The following IL1RAPL1 variants were observed in gnomAD, a reference collection of about 807,000 sequenced individuals.
The protein encoded by IL1RAPL1 is interleukin 1 receptor accessory protein like 1.
IL1RAPL1 carries 3 observed loss-of-function variants against 48.4 expected under a neutral mutation model. The observed-to-expected ratio is 0.06, with a 90% confidence interval of 0.03 to 0.16. IL1RAPL1 has a LOEUF of 0.16. Among genes scored for constraint, IL1RAPL1 ranks in the 10% least tolerant of loss-of-function variants. The pLI, the probability that IL1RAPL1 is intolerant of heterozygous loss-of-function variation, is 1.00. For synonymous variants in IL1RAPL1, 185 were observed against 187.7 expected (o/e 0.99, Z 0.12); for missense variants, 349 against 530.6 (o/e 0.66, Z 3.36).
chrX:29,796,694 TAAAAG>T (rs1929748344), intron 6 of IL1RAPL1, among the ~76,000 whole-genome samples: 1 of 112,361 alleles, frequency 8.9e-6, no homozygotes, highest in Non-Finnish European at 1.9e-5. Flanking sequence ...GAATGATAAT[TAAAAG>T]AAAATGAAAG....
At chrX:29,567,866 G>T (rs965322480) in intron 5 of IL1RAPL1, among the ~76,000 whole-genome samples, 4 of 111,081 alleles carry the variant, frequency 3.6e-5, no homozygotes, top group Non-Finnish European at 5.7e-5. Flanking sequence ...CTTTGAAAAT[G>T]GGAGACTTGT....
intron 1 of IL1RAPL1, among the ~76,000 whole-genome samples, chrX:28,723,403 G>A (rs147783525): frequency 0.014 from 1,602 of 111,365 alleles, 28 homozygotes; most frequent in African/African-American, 0.049. Flanking sequence ...AGTATTCTCT[G>A]GTGGTAGTTT....
intron 6 of IL1RAPL1, among the ~76,000 whole-genome samples, chrX:29,782,153 C>T (rs767641360): frequency 1.0e-5 from 1 of 98,266 alleles, no homozygotes; most frequent in Non-Finnish European, 2.1e-5. Context: ...TATGTACCTA[C>T]CTACCTACCT....
At chrX:29,208,718 A>G (rs186285036) in intron 2 of IL1RAPL1, among the ~76,000 whole-genome samples, 3 of 86,967 alleles carry the variant, frequency 3.4e-5, no homozygotes, top group African/African-American at 1.9e-4. Context: ...AAATAATAAT[A>G]ATAATAATAA....
intron 6 of IL1RAPL1, among the ~76,000 whole-genome samples, chrX:29,731,773 A>G (rs1927925266): frequency 8.9e-6 from 1 of 112,140 alleles, no homozygotes; most frequent in Admixed American, 9.4e-5. Context: ...CTTGAAAAAC[A>G]TTAAGCTGAA....
chrX:29,229,915 CTG>C (rs1245268591), intron 2 of IL1RAPL1, among the ~76,000 whole-genome samples: 2 of 112,304 alleles, frequency 1.8e-5, no homozygotes, highest in African/African-American at 6.5e-5. Context: ...TACTTGCAAA[CTG>C]TGTGATACAT....
chrX:29,121,302 C>T (rs1256669986), intron 2 of IL1RAPL1, among the ~76,000 whole-genome samples: 3 of 112,139 alleles, frequency 2.7e-5, no homozygotes, highest in African/African-American at 9.7e-5. Context: ...GACAAGGTTA[C>T]ATCTGCAAAA....
intron 2 of IL1RAPL1, among the ~76,000 whole-genome samples, chrX:28,794,174 A>G (rs1383524667): frequency 8.9e-6 from 1 of 111,774 alleles, no homozygotes. Flanking sequence ...GGAATAAGCA[A>G]TATCTAGGAC....
chrX:28,982,808 C>T (rs754487579), intron 2 of IL1RAPL1: 1 of 111,103 alleles, frequency 9.0e-6, no homozygotes, highest in South Asian at 3.8e-4. Flanking sequence ...ATCAGCAATA[C>T]CATCATGCAT....
intron 2 of IL1RAPL1, among the ~76,000 whole-genome samples, chrX:29,063,257 A>T (rs1249555579): frequency 8.9e-6 from 1 of 111,803 alleles, no homozygotes; most frequent in Non-Finnish European, 1.9e-5. Context: ...TTCTAAATAT[A>T]TACAAAATAG....
intron 2 of IL1RAPL1, among the ~76,000 whole-genome samples, chrX:29,054,959 G>T (rs1409912922): frequency 1.8e-5 from 2 of 111,811 alleles, no homozygotes; most frequent in African/African-American, 6.5e-5. Context: ...TGATTGAAAG[G>T]CAGACTAGTA....
chrX:29,742,546 GA>G (rs770774009), intron 6 of IL1RAPL1, among the ~76,000 whole-genome samples: 8 of 102,208 alleles, frequency 7.8e-5, no homozygotes, highest in East Asian at 6.1e-4. Flanking sequence ...TAAATGGTGG[GA>G]AAAAAAAAAC....
chrX:29,588,250 A>C (rs1031548911), intron 5 of IL1RAPL1, among the ~76,000 whole-genome samples: 2 of 112,321 alleles, frequency 1.8e-5, no homozygotes, highest in African/African-American at 6.5e-5. Flanking sequence ...TTTGCACTGG[A>C]GATTCAATGG....
chrX:29,790,564 A>G (rs1171177221), intron 6 of IL1RAPL1, among the ~76,000 whole-genome samples: 4 of 112,228 alleles, frequency 3.6e-5, no homozygotes, highest in Non-Finnish European at 7.5e-5. Context: ...TTTAAGTTAC[A>G]TATGTCCATT....
intron 2 of IL1RAPL1, among the ~76,000 whole-genome samples, chrX:29,120,492 G>T (rs1928761550): frequency 9.0e-6 from 1 of 111,139 alleles, no homozygotes; most frequent in African/African-American, 3.3e-5. Flanking sequence ...CTGTTCCATT[G>T]GTTTATATGT....
intron 6 of IL1RAPL1, among the ~76,000 whole-genome samples, chrX:29,796,618 A>G (rs1165455188): frequency 8.9e-6 from 1 of 112,034 alleles, no homozygotes; most frequent in Non-Finnish European, 1.9e-5. Context: ...AGAATGTTGT[A>G]TTTGTTATAT....
chrX:28,851,132 C>T (rs1410777830), intron 2 of IL1RAPL1, among the ~76,000 whole-genome samples: 1 of 105,910 alleles, frequency 9.4e-6, no homozygotes, highest in Admixed American at 1.1e-4. Flanking sequence ...TAAGGACTCA[C>T]ACTTGCCTTG....
At chrX:29,638,924 C>T (rs1231153014) in intron 5 of IL1RAPL1, among the ~76,000 whole-genome samples, 5 of 112,161 alleles carry the variant, frequency 4.5e-5, no homozygotes, top group Non-Finnish European at 7.5e-5. Flanking sequence ...CGGTGGCTCA[C>T]GCCTGTAATC....
chrX:28,843,009 A>AT (rs11295194), intron 2 of IL1RAPL1, among the ~76,000 whole-genome samples: 75 of 104,304 alleles, frequency 7.2e-4, no homozygotes, highest in South Asian at 4.5e-3. Context: ...TTATTTACCC[A>AT]TTTTTTTTTT....
Sources: allele counts gnomAD v4.1 joint callset (sites outside exome capture counted in the v4.1 genomes callset), GRCh38; gene constraint gnomAD v4.1.1; transcripts MANE v1.5; gene names NCBI Gene and HGNC (gene_info 2026-07-23, HGNC 2026-07-21).